TNS3: variants seen among roughly 807,000 people sequenced by gnomAD.
TNS3 encodes tensin-3.
Under a neutral mutation model 140.9 loss-of-function variants are expected in TNS3, and 45 were observed. The observed-to-expected ratio is 0.32, with a 90% CI of 0.25 to 0.41. The LOEUF (loss-of-function observed/expected upper bound fraction) is 0.41, where lower values mean the gene tolerates loss of function less well. Ranked by LOEUF, TNS3 falls within the 10% of genes least tolerant of loss-of-function variation. The pLI, the probability that TNS3 is intolerant of heterozygous loss-of-function variation, is 1.00. For synonymous variants in TNS3, 815 were observed against 788.4 expected, an observed-to-expected ratio of 1.03 and a Z score of -0.56; for missense variants, 1,716 against 1,906.7, an observed-to-expected ratio of 0.90 and a Z score of 1.86.
chr7:47,374,530 A>G (rs928519797), intron 16 of TNS3, among the ~76,000 whole-genome samples: 1 of 152,142 alleles, frequency 6.6e-6, no homozygotes, highest in Admixed American at 6.5e-5. Flanking sequence ...GCTTTCTAAG[A>G]CTCAATGCAA....
intron 2 of TNS3, among the ~76,000 whole-genome samples, chr7:47,514,731 T>G (rs1484628259): frequency 1.3e-5 from 2 of 152,258 alleles, no homozygotes; most frequent in African/African-American, 4.8e-5. Flanking sequence ...AAACCATCTC[T>G]CAAATGGGGA....
At chr7:47,405,096 G>A (rs1393581619) in intron 13 of TNS3, among the ~76,000 whole-genome samples, 1 of 152,044 alleles carries the variant, frequency 6.6e-6, no homozygotes, top group Non-Finnish European at 1.5e-5. Flanking sequence ...GGCCACATAA[G>A]TGTATTTTTA....
At chr7:47,554,920 C>A (rs1021572930) in intron 1 of TNS3, among the ~76,000 whole-genome samples, 1 of 151,340 alleles carries the variant, frequency 6.6e-6, no homozygotes, top group African/African-American at 2.4e-5. Flanking sequence ...CCCAGCTACT[C>A]AGGAGGCGGA....
intron 9 of TNS3, among the ~76,000 whole-genome samples, chr7:47,427,832 T>A (rs1228108726): frequency 3.3e-5 from 5 of 152,204 alleles, no homozygotes; most frequent in Admixed American, 1.3e-4. Context: ...TGATAGTAAC[T>A]GCCTCGTGGA....
intron 27 of TNS3, among the ~76,000 whole-genome samples, chr7:47,284,701 A>T (rs1451049099): frequency 6.6e-6 from 1 of 152,100 alleles, no homozygotes; most frequent in African/African-American, 2.4e-5. Context: ...AACTGCCCTC[A>T]CTCACTTGCC....
At chr7:47,446,975 T>C (rs1795773582) in intron 4 of TNS3, among the ~76,000 whole-genome samples, 1 of 148,614 alleles carries the variant, frequency 6.7e-6, no homozygotes, top group Admixed American at 6.7e-5. Flanking sequence ...GGCATGAGCT[T>C]CCGTGCCCGG....
chr7:47,422,202 A>G (rs550000812), intron 10 of TNS3, among the ~76,000 whole-genome samples: 1 of 152,356 alleles, frequency 6.6e-6, no homozygotes, highest in African/African-American at 2.4e-5. Flanking sequence ...CCCTAATCTC[A>G]GGAGCAGAGG....
At chr7:47,328,644 A>G (rs1393527496) in intron 20 of TNS3, among the ~76,000 whole-genome samples, 1 of 152,198 alleles carries the variant, frequency 6.6e-6, no homozygotes, top group Non-Finnish European at 1.5e-5. Flanking sequence ...CCCCGGCAGG[A>G]GCCTACACCC....
intron 1 of TNS3, among the ~76,000 whole-genome samples, chr7:47,575,822 CAAAAAAAAAAA>C (rs10553927): frequency 2.9e-5 from 2 of 68,320 alleles, no homozygotes; most frequent in East Asian, 1.0e-3. Context: ...GACTCTGCCT[CAAAAAAAAAAA>C]AAAAAAAAAA....
chr7:47,285,694 C>G (rs1785382730), intron 27 of TNS3, among the ~76,000 whole-genome samples: 1 of 152,192 alleles, frequency 6.6e-6, no homozygotes, highest in South Asian at 2.1e-4. Context: ...TAGAAGTAAC[C>G]TAGTGGTCCC....
chr7:47,545,141 A>ATTTTTT (rs34499360), intron 1 of TNS3, among the ~76,000 whole-genome samples: 3 of 121,970 alleles, frequency 2.5e-5, no homozygotes, highest in Non-Finnish European at 3.3e-5. Flanking sequence ...GTAAGAGGGC[A>ATTTTTT]TTTTTTTTTT....
intron 20 of TNS3, among the ~76,000 whole-genome samples, chr7:47,316,345 C>T (rs192789646): frequency 6.6e-6 from 1 of 152,294 alleles, no homozygotes; most frequent in Admixed American, 6.5e-5. Context: ...CTGAGCTCTT[C>T]TGCCATAAAC....
At chr7:47,536,552 A>C (rs1185528274) in intron 1 of TNS3, among the ~76,000 whole-genome samples, 1 of 152,222 alleles carries the variant, frequency 6.6e-6, no homozygotes, top group Middle Eastern at 3.2e-3. Context: ...CACGCGAGGG[A>C]TAGCAGGTCT....
At chr7:47,364,181 A>G (rs543861398) in intron 17 of TNS3, among the ~76,000 whole-genome samples, 1 of 152,266 alleles carries the variant, frequency 6.6e-6, no homozygotes, top group East Asian at 1.9e-4. Context: ...TTTAAAATCA[A>G]AAGAGTTCCA....
At position 47,363,100 on chromosome 7, in the gene TNS3, CCAT is replaced by C. The variant is rs1176704240; in HGVS notation, c.2281+5262_2281+5264del. Among the ~76,000 whole-genome samples, 223 of 145,548 alleles carry C rather than the reference CCAT, an allele frequency of 1.5e-3. 1 individual carries two copies. The highest frequency in any genetic ancestry group is 3.6e-3 in the African/African-American group (130 of 36,124). On this transcript the variant is annotated intron_variant, in intron 17 of 30. Coordinates refer to ENST00000311160, the MANE Select transcript of TNS3 (RefSeq NM_022748.12). ...ACCACCATCAATATCACAGTCATCA[CCAT>C]CATCATCATCATCATCATCACCATC...
chr7:47,443,643 C>T (rs994561863), intron 4 of TNS3, among the ~76,000 whole-genome samples: 1 of 152,140 alleles, frequency 6.6e-6, no homozygotes, highest in Non-Finnish European at 1.5e-5. Context: ...AGAATACGGC[C>T]GGGCACAGTG....
chr7:47,508,824 G>GAC (rs1221419146), intron 2 of TNS3, among the ~76,000 whole-genome samples: 1 of 152,190 alleles, frequency 6.6e-6, no homozygotes, highest in Non-Finnish European at 1.5e-5. Context: ...ATGTTGTGAG[G>GAC]ACACTCAAGC....
At chr7:47,562,591 G>A (rs546274384) in intron 1 of TNS3, among the ~76,000 whole-genome samples, 2 of 152,176 alleles carry the variant, frequency 1.3e-5, no homozygotes, top group South Asian at 4.2e-4. Context: ...TCATCATATG[G>A]GTCAGGCTGG....
At chr7:47,400,101 T>C (rs1234916924) in intron 15 of TNS3, among the ~76,000 whole-genome samples, 2 of 151,376 alleles carry the variant, frequency 1.3e-5, no homozygotes, top group Non-Finnish European at 2.9e-5. Flanking sequence ...CCCAGAGAAA[T>C]GCAAATTAAA....
Sources: allele counts gnomAD v4.1 joint callset (sites outside exome capture counted in the v4.1 genomes callset), GRCh38; gene constraint gnomAD v4.1.1; transcripts MANE v1.5; gene names NCBI Gene and HGNC (gene_info 2026-07-23, HGNC 2026-07-21).